ACOT7: variants seen among roughly 807,000 people sequenced by gnomAD.
ACOT7 encodes acyl-CoA thioesterase 7, also known as cytosolic acyl coenzyme A thioester hydrolase.
ACOT7 carries 12 observed loss-of-function variants against 40.2 expected under a neutral mutation model. That is an observed-to-expected ratio of 0.30 (90% CI 0.19 to 0.48). The LOEUF (loss-of-function observed/expected upper bound fraction) is 0.48. Ranked by LOEUF, ACOT7 falls within the 20% of genes least tolerant of loss-of-function variation. ACOT7 has a pLI of 0.99. For synonymous variants in ACOT7, 228 were observed against 219.5 expected (o/e 1.04, Z -0.34); for missense variants, 395 against 530.8 (o/e 0.74, Z 2.51).
intron 8 of ACOT7, among the ~76,000 whole-genome samples, chr1:6,273,894 T>C (rs1012907142): frequency 2.0e-5 from 3 of 152,194 alleles, no homozygotes; most frequent in Non-Finnish European, 4.4e-5. Context: ...GTGTCTAGGA[T>C]GTCGAGGCAG....
intron 7 of ACOT7, among the ~76,000 whole-genome samples, chr1:6,293,694 G>A (rs554713080): frequency 6.6e-6 from 1 of 152,186 alleles, no homozygotes; most frequent in East Asian, 1.9e-4. Flanking sequence ...GAATAAGATC[G>A]TGTTGTGGAA....
At position 6,373,920 on chromosome 1, in the gene ACOT7, T is replaced by C. The variant is rs553782639; in HGVS notation, c.143+19337A>G. Among the ~76,000 whole-genome samples the C allele has an allele frequency of 2.4e-4, 37 of 152,038 alleles. 1 individual carries two copies. The highest frequency in any genetic ancestry group is 1.2e-3 in the Admixed American group (18 of 15,270). On this transcript the variant is annotated intron_variant, in intron 1 of 8. Transcript: ENST00000361521. The stretch of plus-strand genomic sequence containing the variant: ...AAAGTGCAATGAAAGGAAGTCTGTC[T>C]GTACCTAGGTCAAAACTGATCAAAC...
At chr1:6,367,014 T>C (rs1007629237) in intron 1 of ACOT7, among the ~76,000 whole-genome samples, 1 of 151,930 alleles carries the variant, frequency 6.6e-6, no homozygotes, top group African/African-American at 2.4e-5. Context: ...ATGGCTAACA[T>C]GGTGAAACCC....
At chr1:6,290,151 G>C (rs950713067) in intron 7 of ACOT7, among the ~76,000 whole-genome samples, 6 of 152,234 alleles carry the variant, frequency 3.9e-5, no homozygotes, top group Non-Finnish European at 8.8e-5. Context: ...CGAGGAATGT[G>C]GGTGGCCTCA....
At chr1:6,265,833 G>A (rs1397875120) in intron 8 of ACOT7, among the ~76,000 whole-genome samples, 2 of 152,198 alleles carry the variant, frequency 1.3e-5, no homozygotes, top group African/African-American at 4.8e-5. Context: ...CATCCACAAT[G>A]ACACCAAACT....
At position 6,265,508 on chromosome 1, in the gene ACOT7, G is replaced by A. The variant is rs143240400; in HGVS notation, c.1015-813C>T. 8.6e-3 allele frequency among the ~76,000 whole-genome samples: 1,312 copies of A among 152,344 alleles called. 19 individuals carry two copies. The highest frequency in any genetic ancestry group is 0.03 in the African/African-American group (1,240 of 41,574). On this transcript the variant is annotated intron_variant, in intron 8 of 8. Transcript: ENST00000361521. The stretch of plus-strand genomic sequence containing the variant: ...ACCCCATCTCATTGGTCTGGGGGCA[G>A]AGCCAACTGAACAGGTGGGATTTGG...
rs1463038235 is a variant in ACOT7 at position 6,301,585 on chromosome 1, G to A, written c.713-6605C>T. On this transcript the variant is annotated intron_variant, in intron 6 of 8. Transcript: ENST00000361521. This position sits in a 1 kb window ranked among gnomAD's most constrained non-coding sequence, Gnocchi z 4.1. ...CCCTGTGTCCCTGACCCAACACAGAGCTGGCATCTGGTGCTCAGGAAATGG... is the reference window on the plus strand; with the variant it reads ...CCCTGTGTCCCTGACCCAACACAGAACTGGCATCTGGTGCTCAGGAAATGG... 6.6e-6 allele frequency among the ~76,000 whole-genome samples: 1 copy of A among 152,234 alleles called. No homozygotes were observed. The highest frequency in any genetic ancestry group is 1.5e-5 in the Non-Finnish European group (1 of 68,042).
chr1:6,349,677 C>A (rs114500024), intron 2 of ACOT7, 72 bp downstream of exon 2: 2 of 1,457,136 alleles, frequency 1.4e-6, no homozygotes, highest in Middle Eastern at 2.2e-4. Flanking sequence ...CCTGGCTCCC[C>A]GGGGAACTCC....
At chr1:6,363,784 G>A (rs568305702) in intron 1 of ACOT7, among the ~76,000 whole-genome samples, 137 of 152,108 alleles carry the variant, frequency 9.0e-4, no homozygotes, top group African/African-American at 2.9e-3. Flanking sequence ...GGACACTACC[G>A]GTCTCTGCAT....
chr1:6,316,113 C>G (rs543479052), intron 6 of ACOT7, among the ~76,000 whole-genome samples: 92 of 152,266 alleles, frequency 6.0e-4, no homozygotes, highest in African/African-American at 2.0e-3. Context: ...AACATGTCGA[C>G]AAAGTAAGCA....
rs1298270584 is a variant in ACOT7, at chr1:6,264,433, G to A, written c.*164C>T. ...GATATAAATAAAGCTTTGGTGTGTA[G>A]GTTTGCAGGAGAGAGTACAGGTTAA... On this transcript the variant is annotated 3_prime_UTR_variant, in exon 9 of 9. Transcript: ENST00000361521. 9 of 622,522 alleles carry A rather than the reference G, an allele frequency of 1.4e-5. No individual in the cohort carries two copies. Among genetic ancestry groups the A allele is most frequent in the Non-Finnish European group, 2.8e-6 (1 of 356,674 alleles). 38.6% of individuals were successfully genotyped at this position (622,522 alleles called of 1,614,324 possible).
intron 6 of ACOT7, among the ~76,000 whole-genome samples, chr1:6,300,206 C>T (rs1323486933): frequency 6.6e-6 from 1 of 152,080 alleles, no homozygotes; most frequent in Non-Finnish European, 1.5e-5. Context: ...GAGCCAGGGA[C>T]AAGCAGGAGT....
At chr1:6,279,889 C>T (rs1571264853) in intron 8 of ACOT7, among the ~76,000 whole-genome samples, 2 of 152,142 alleles carry the variant, frequency 1.3e-5, no homozygotes, top group Admixed American at 6.5e-5. Context: ...GCAGCTGGGG[C>T]GACTCGGCGG....
At chr1:6,354,691 ATGGCCTCTACACTGGCCTCTAGCCCCC>A (rs1641693794) in intron 1 of ACOT7, among the ~76,000 whole-genome samples, 1 of 39,196 alleles carries the variant, frequency 2.6e-5, no homozygotes, top group African/African-American at 1.0e-4. Flanking sequence ...TAGCCCCCCC[ATGGCCTCTACACTGGCCTCTAGCCCCC>A]CCATGGCCTC....
At chr1:6,349,623 A>G (rs1641530083) in intron 2 of ACOT7, 126 bp downstream of exon 2, 2 of 932,512 alleles carry the variant, frequency 2.1e-6, no homozygotes, top group Non-Finnish European at 3.2e-6. Context: ...CACTTCTCCC[A>G]CAGTTCCCAA....
chr1:6,372,915 T>G (rs377208761), intron 1 of ACOT7, among the ~76,000 whole-genome samples: 2 of 152,016 alleles, frequency 1.3e-5, no homozygotes, highest in East Asian at 3.9e-4. Flanking sequence ...AGAGGTAGGG[T>G]ATTAATTGGT....
Position 6,306,982 on chromosome 1 carries a change from TC to T in ACOT7, c.712+11509del. The T allele has an allele frequency of 8.3e-7, 1 of 1,211,446 alleles. No homozygotes were observed. The highest frequency in any genetic ancestry group is 1.1e-6 in the Non-Finnish European group (1 of 920,364). 75.0% of individuals were successfully genotyped at this position (1,211,446 alleles called of 1,614,324 possible). A position where few individuals can be genotyped will look rare whatever the true frequency, so the allele number is the denominator to read the frequency against. On this transcript the variant is annotated intron_variant, in intron 6 of 8. Transcript: ENST00000361521. The surrounding 1 kb of genome is among the most constrained non-coding windows in gnomAD (Gnocchi z 4.3). ...CTCACTTGCGTCCCCTCCCATGTTT[TC>T]TCTGCCTTCCCTTTCCTCTGCCTCC...
chr1:6,330,066 GGTGT>G lies in ACOT7; in HGVS notation c.511-2657_511-2654del, dbSNP rs145131866. On this transcript the variant is annotated intron_variant, in intron 4 of 8. Coordinates refer to ENST00000361521, the MANE Select transcript of ACOT7 (RefSeq NM_007274.4). The surrounding 1 kb of genome is among the most constrained non-coding windows in gnomAD (Gnocchi z 4.6). ...ATCCAGGAAACCAGTGTGTGTGTGT[GGTGT>G]GTGTGTGTGTGTGCGTGTTCAAGAT... Among the ~76,000 whole-genome samples, 5 of 151,084 alleles carry G rather than the reference GGTGT, an allele frequency of 3.3e-5. No individual in the cohort carries two copies. The highest frequency in any genetic ancestry group is 5.9e-5 in the Non-Finnish European group (4 of 67,590).
intron 2 of ACOT7, 32 bp from the exon 3 acceptor site, chr1:6,339,621 T>G (rs555857413): frequency 6.2e-7 from 1 of 1,603,762 alleles, no homozygotes; most frequent in African/African-American, 1.3e-5. Context: ...TCAGCCCAGG[T>G]CAGCCAGCCC....
Sources: gnomAD v4.1 joint callset for allele counts (sites outside exome capture counted in the v4.1 genomes callset) on GRCh38, gnomAD v4.1.1 for gene constraint, Gnocchi (gnomAD v3.1) non-coding constraint, MANE v1.5 for transcripts, NCBI Gene and HGNC (gene_info 2026-07-23, HGNC 2026-07-21) for gene names.